EDNRB: variants seen among roughly 807,000 people sequenced by gnomAD.
EDNRB encodes the protein Hirschsprung disease 2.
A neutral mutation model predicts 46.4 loss-of-function variants in EDNRB; 18 were observed. The ratio of observed to expected loss-of-function variants is 0.39; its 90% confidence interval spans 0.27 to 0.57. EDNRB has a LOEUF of 0.57. Among genes scored for constraint, EDNRB ranks in the 20% least tolerant of loss-of-function variants. EDNRB has a pLI of 0.61. For synonymous variants in EDNRB, 213 were observed against 204.9 expected, an observed-to-expected ratio of 1.04 and a Z score of -0.34; for missense variants, 434 against 537.5, an observed-to-expected ratio of 0.81 and a Z score of 1.90.
Position 77,897,197 on chromosome 13 carries a change from G to A in EDNRB, c.*1003C>T, listed in dbSNP as rs1217773404. On this transcript the variant is annotated 3_prime_UTR_variant, in exon 7 of 7. Coordinates refer to ENST00000646607, the MANE Select transcript of EDNRB (RefSeq NM_001122659.3). ...ATGAGGTCACTGGCATCTCTCCATC[G>A]TAAAGCTATGAGCACAGGGCCTGCC... 8 of 985,202 alleles carry A rather than the reference G, an allele frequency of 8.1e-6. No individual in the cohort carries two copies. The highest frequency in any genetic ancestry group is 1.1e-4 in the East Asian group (1 of 8,782). 61.0% of individuals were successfully genotyped at this position (985,202 alleles called of 1,614,324 possible). A position where few individuals can be genotyped will look rare whatever the true frequency, so the allele number is the denominator to read the frequency against.
chr13:77,932,087 T>G (rs896329484), intron 1 of EDNRB, among the ~76,000 whole-genome samples: 2 of 149,702 alleles, frequency 1.3e-5, no homozygotes, highest in African/African-American at 2.4e-5. Flanking sequence ...CAGTTGAGAC[T>G]AGGTTAGGAA....
At chr13:77,914,589 C>T (rs922054864) in intron 1 of EDNRB, among the ~76,000 whole-genome samples, 5 of 152,182 alleles carry the variant, frequency 3.3e-5, no homozygotes, top group Non-Finnish European at 7.3e-5. Context: ...TAAAGTTCTT[C>T]AGCAGCCTCA....
At chr13:77,958,655 T>A (rs930027385) in intron 1 of EDNRB, among the ~76,000 whole-genome samples, 3 of 152,182 alleles carry the variant, frequency 2.0e-5, no homozygotes, top group African/African-American at 7.2e-5. Flanking sequence ...ATTACAGGCG[T>A]GAGCCACTGC....
chr13:77,974,007 T>C (rs1785927398), intron 1 of EDNRB, among the ~76,000 whole-genome samples: 2 of 151,922 alleles, frequency 1.3e-5, no homozygotes, highest in African/African-American at 4.8e-5. Context: ...TGGACTAGAC[T>C]GTCTAAGGCC....
intron 1 of EDNRB, among the ~76,000 whole-genome samples, chr13:77,948,837 A>C (rs761324371): frequency 3.3e-5 from 5 of 152,226 alleles, no homozygotes; most frequent in Non-Finnish European, 5.9e-5. Flanking sequence ...CATAGTAGAA[A>C]ATATACTTTC....
At chr13:77,905,464 C>T (rs1409084847) in intron 1 of EDNRB, among the ~76,000 whole-genome samples, 1 of 151,944 alleles carries the variant, frequency 6.6e-6, no homozygotes, top group Non-Finnish European at 1.5e-5. Context: ...CTCATTAATT[C>T]TGCTTGTTCA....
At chr13:77,956,709 G>C (rs191418993) in intron 1 of EDNRB, among the ~76,000 whole-genome samples, 1 of 152,190 alleles carries the variant, frequency 6.6e-6, no homozygotes, top group Non-Finnish European at 1.5e-5. Context: ...CCTTTCTGGA[G>C]GCTATAAGAG....
chr13:77,919,222 C>G, upstream of EDNRB: 1 of 700,124 alleles, frequency 1.4e-6, no homozygotes, highest in Non-Finnish European at 2.3e-6. Flanking sequence ...ACCGCTGTTC[C>G]CTCCAAACGG....
At chr13:77,900,493 A>G (rs916597014) in intron 5 of EDNRB, 28 bp downstream of exon 5, 1 of 1,611,784 alleles carries the variant, frequency 6.2e-7, no homozygotes, top group Non-Finnish European at 8.5e-7. Flanking sequence ...ATTTATTTAC[A>G]AAACCATTTC....
chr13:77,937,786 G>GA (rs2137660913), intron 1 of EDNRB, among the ~76,000 whole-genome samples: 1 of 152,228 alleles, frequency 6.6e-6, no homozygotes, highest in African/African-American at 2.4e-5. Flanking sequence ...TGGGTCTGTA[G>GA]AAAAGGAAGA....
chr13:77,927,257 G>A (rs1407813454), intron 1 of EDNRB, among the ~76,000 whole-genome samples: 1 of 152,210 alleles, frequency 6.6e-6, no homozygotes, highest in East Asian at 1.9e-4. Context: ...CCTAGATCTA[G>A]ATGCTTGAGT....
intron 6 of EDNRB, among the ~76,000 whole-genome samples, chr13:77,898,815 C>A (rs1309553763): frequency 6.6e-6 from 1 of 151,902 alleles, no homozygotes; most frequent in African/African-American, 2.4e-5. Context: ...TTATTCTAAG[C>A]CACTTTGCTG....
At position 77,917,058 on chromosome 13, in the gene EDNRB, T is replaced by C. The variant is rs890643151; in HGVS notation, c.483+1033A>G. Among the ~76,000 whole-genome samples, 10 of 152,306 alleles carry C rather than the reference T, an allele frequency of 6.6e-5. No homozygotes were observed. The East Asian group carries it at 1.9e-3, about 29-fold the overall frequency. On this transcript the variant is annotated intron_variant, in intron 1 of 6. Transcript: ENST00000646607. ...AGCAACCTGGCTCTTTGTGTGTTTC[T>C]ACTGACGCCCATGGTAATCACACAA...
chr13:77,919,620 C>A (rs1372043464), upstream of EDNRB: 1 of 1,596,504 alleles, frequency 6.3e-7, no homozygotes, highest in African/African-American at 1.3e-5. Context: ...ATTCATTCAT[C>A]CCTTCCCATC....
intron 1 of EDNRB, among the ~76,000 whole-genome samples, chr13:77,956,769 TGGCTCATGGC>T (rs1467176506): frequency 6.6e-6 from 1 of 152,216 alleles, no homozygotes; most frequent in East Asian, 1.9e-4. Flanking sequence ...CCACATTCCT[TGGCTCATGGC>T]CTCTTTCTCT....
chr13:77,956,935 G>C (rs1212582678), intron 1 of EDNRB, among the ~76,000 whole-genome samples: 4 of 152,200 alleles, frequency 2.6e-5, no homozygotes, highest in Admixed American at 1.3e-4. Context: ...GCCTTCAAAA[G>C]GTCCTTATAA....
intron 1 of EDNRB, among the ~76,000 whole-genome samples, chr13:77,958,990 G>A (rs1392134980): frequency 6.6e-6 from 1 of 152,204 alleles, no homozygotes; most frequent in Admixed American, 6.5e-5. Context: ...GTGTTGTTGG[G>A]AGAGAAGGGA....
At chr13:77,929,068 G>A (rs1880315789) in intron 1 of EDNRB, among the ~76,000 whole-genome samples, 1 of 152,160 alleles carries the variant, frequency 6.6e-6, no homozygotes, top group South Asian at 2.1e-4. Flanking sequence ...AAGGTCAAAA[G>A]GTTAGTGATT....
chr13:77,905,814 C>G (rs1214456192), intron 1 of EDNRB, among the ~76,000 whole-genome samples: 1 of 151,960 alleles, frequency 6.6e-6, no homozygotes, highest in East Asian at 1.9e-4. Context: ...ACTGGAGGTA[C>G]AGCAATGAGG....
Sources: gnomAD v4.1 joint callset for allele counts (sites outside exome capture counted in the v4.1 genomes callset) on GRCh38, gnomAD v4.1.1 for gene constraint, MANE v1.5 for transcripts, NCBI Gene and HGNC (gene_info 2026-07-23, HGNC 2026-07-21) for gene names.